Variants in LINC00237 observed in about 807,000 individuals in gnomAD.
The protein encoded by LINC00237 is long intergenic non-protein coding RNA 237.
chr20:21,096,474 G>A (rs2030859732), intron 1 of LINC00237, among the ~76,000 whole-genome samples: 2 of 152,218 alleles, frequency 1.3e-5, no homozygotes, highest in African/African-American at 2.4e-5. Flanking sequence ...TCGCTGCAAG[G>A]GAGGCTGGGA....
chr20:21,100,389 G>A (rs1325364098), intron 1 of LINC00237, among the ~76,000 whole-genome samples: 1 of 152,232 alleles, frequency 6.6e-6, no homozygotes. Flanking sequence ...CGAGCCCAGC[G>A]TTAGCCCGGG....
At chr20:21,097,419 G>A (rs1398300551) in intron 1 of LINC00237, among the ~76,000 whole-genome samples, 1 of 151,580 alleles carries the variant, frequency 6.6e-6, no homozygotes, top group East Asian at 1.9e-4. Flanking sequence ...ATTGTTTATT[G>A]GAAAAATTTG....
At chr20:21,086,946 AT>A (rs915166891) in intron 3 of LINC00237, among the ~76,000 whole-genome samples, 1 of 138,744 alleles carries the variant, frequency 7.2e-6, no homozygotes, top group African/African-American at 2.6e-5. Flanking sequence ...TATATATAGT[AT>A]ATATGTACTA....
Sources: gnomAD v4.1 joint callset for allele counts (sites outside exome capture counted in the v4.1 genomes callset) on GRCh38, gnomAD v4.1.1 for gene constraint, MANE v1.5 for transcripts, NCBI Gene and HGNC (gene_info 2026-07-23, HGNC 2026-07-21) for gene names.